ERCC8: variants seen among roughly 807,000 people sequenced by gnomAD.
ERCC8 encodes the protein ERCC excision repair 8, CSA ubiquitin ligase complex subunit.
In ERCC8, 52 loss-of-function variants were observed where a neutral mutation model predicts 54.9. That is an observed-to-expected ratio of 0.95 (90% CI 0.76 to 1.19). The LOEUF (loss-of-function observed/expected upper bound fraction) is 1.19, where lower values mean the gene tolerates loss of function less well. ERCC8 is among the 50% of genes most tolerant of loss of function. ERCC8 has a pLI of 0.00. For synonymous variants in ERCC8, 146 were observed against 157.2 expected, an observed-to-expected ratio of 0.93 and a Z score of 0.53; for missense variants, 514 against 466.1, an observed-to-expected ratio of 1.10 and a Z score of -0.95.
chr5:60,939,361 C>A (rs1043076439), intron 1 of ERCC8, among the ~76,000 whole-genome samples: 3 of 152,094 alleles, frequency 2.0e-5, no homozygotes, highest in Non-Finnish European at 4.4e-5. Context: ...TTTTGATTAA[C>A]GTTCTTTCCT....
chr5:60,921,043 T>C (rs1170093646), intron 3 of ERCC8, among the ~76,000 whole-genome samples: 1 of 151,884 alleles, frequency 6.6e-6, no homozygotes, highest in African/African-American at 2.4e-5. Flanking sequence ...AGTACATTGC[T>C]TTTCACTTAT....
intron 1 of ERCC8, among the ~76,000 whole-genome samples, chr5:60,931,360 G>A (rs1448388678): frequency 6.6e-6 from 1 of 152,122 alleles, no homozygotes; most frequent in Non-Finnish European, 1.5e-5. Flanking sequence ...AGGCTGGAGT[G>A]CAATGGCAAA....
In ERCC8 at chr5:60,874,598, G is replaced by C. The variant is rs1561491418; in HGVS notation, c.*17C>G. The C allele has an allele frequency of 6.2e-7, 1 of 1,609,696 alleles. No individual in the cohort carries two copies. Among genetic ancestry groups the C allele is most frequent in the African/African-American group, 1.3e-5 (1 of 74,688 alleles). ...TAAAAAGTTTCAGCAGAGACAAAAA[G>C]GTACTAAAGATGATATTCATCCTTC... On this transcript the variant is annotated 3_prime_UTR_variant, in exon 12 of 12. Coordinates refer to ENST00000676185, the MANE Select transcript of ERCC8 (RefSeq NM_000082.4).
At position 60,944,902 on chromosome 5, in the gene ERCC8, C is replaced by G. The variant is rs753090742; in HGVS notation, c.77+30G>C. On this transcript the variant is annotated intron_variant, in intron 1 of 11. Coordinates refer to ENST00000676185, the MANE Select transcript of ERCC8 (RefSeq NM_000082.4). ...GTCATTGGTCCAGATTCTAACTGGC[C>G]TGTTAGCCAAAAAGTAAGGTTTTCT... 3.2e-6 allele frequency: 5 copies of G among 1,543,858 alleles called. No individual in the cohort carries two copies. The South Asian group carries it at 5.6e-5, about 17-fold the overall frequency.
intron 6 of ERCC8, among the ~76,000 whole-genome samples, chr5:60,903,071 T>C (rs957642700): frequency 6.6e-6 from 1 of 150,688 alleles, no homozygotes; most frequent in African/African-American, 2.5e-5. Context: ...CATAATAATG[T>C]CAAAAAATGC....
intron 4 of ERCC8, among the ~76,000 whole-genome samples, chr5:60,906,998 C>T (rs1749095139): frequency 6.6e-6 from 1 of 152,198 alleles, no homozygotes; most frequent in Non-Finnish European, 1.5e-5. Flanking sequence ...ATGAGCCAGA[C>T]TTGCCCATGA....
chr5:60,877,665 G>C (rs1236458329), intron 11 of ERCC8, among the ~76,000 whole-genome samples: 1 of 150,936 alleles, frequency 6.6e-6, no homozygotes, highest in Non-Finnish European at 1.5e-5. Flanking sequence ...CTCGTGATTT[G>C]GCTGTTTGTC....
chr5:60,936,915 G>A (rs1355046416), intron 1 of ERCC8, among the ~76,000 whole-genome samples: 1 of 152,138 alleles, frequency 6.6e-6, no homozygotes, highest in Non-Finnish European at 1.5e-5. Flanking sequence ...TATGTCAGAG[G>A]GAAGATCTGG....
intron 11 of ERCC8, 23 bp from the exon 12 acceptor site, chr5:60,874,706 A>C (rs1479195547): frequency 6.3e-7 from 1 of 1,581,976 alleles, no homozygotes; most frequent in South Asian, 1.2e-5. Context: ...AAGATAAAGA[A>C]AAAGGAAGAT....
chr5:60,884,475 C>CAAA (rs71606647), intron 11 of ERCC8, among the ~76,000 whole-genome samples: 1 of 70,836 alleles, frequency 1.4e-5, no homozygotes, highest in Non-Finnish European at 2.6e-5. Flanking sequence ...GACTCCTTCT[C>CAAA]AAAAAAAAAA....
chr5:60,926,700 G>A (rs1253275270), intron 2 of ERCC8, among the ~76,000 whole-genome samples: 2 of 152,108 alleles, frequency 1.3e-5, no homozygotes, highest in African/African-American at 4.8e-5. Context: ...TAAAATGTTT[G>A]GACACAGTTG....
At chr5:60,899,783 CT>C in intron 7 of ERCC8, 56 bp from the exon 8 acceptor site, 1 of 1,244,650 alleles carries the variant, frequency 8.0e-7, no homozygotes, top group Non-Finnish European at 1.2e-6. Context: ...GACTGTACCC[CT>C]CACCCACCTT....
intron 9 of ERCC8, 68 bp from the exon 10 acceptor site, chr5:60,891,154 A>G: frequency 9.9e-7 from 1 of 1,010,236 alleles, no homozygotes; most frequent in Admixed American, 1.9e-5. Flanking sequence ...AAAGCCTAGG[A>G]GAAATACTTA....
At position 60,945,031 on chromosome 5, in the gene ERCC8, A is replaced by C. The variant is rs4647038; in HGVS notation, c.-23T>G. ...CATATCGTGTCCTCACACCGGCTGG[A>C]GCACTGGACGTCGCCATGACAGAGC... is the stretch of plus-strand genomic sequence containing the variant. On this transcript the variant is annotated 5_prime_UTR_variant, in exon 1 of 12. Coordinates refer to ENST00000676185, the MANE Select transcript of ERCC8 (RefSeq NM_000082.4). 0.031 allele frequency: 50,423 copies of C among 1,604,784 alleles called. 936 individuals are homozygous for C. The highest frequency in any genetic ancestry group is 0.06 in the Middle Eastern group (360 of 6,040).
Position 60,908,803 on chromosome 5 carries a change from C to T in ERCC8, c.400-3930G>A, listed in dbSNP as rs545327000. On this transcript the variant is annotated intron_variant, in intron 4 of 11. Transcript: ENST00000676185. ...AAGATAAATGAGTCCAGCATAAGAA[C>T]CATTATGAAAAAAGAAAATTTGTGA... Among the ~76,000 whole-genome samples the T allele has an allele frequency of 2.4e-4, 37 of 151,958 alleles. 1 individual carries two copies. In the South Asian group the frequency reaches 6.2e-3, roughly 26 times the overall value.
At chr5:60,921,733 A>T (rs186761116) in intron 3 of ERCC8, among the ~76,000 whole-genome samples, 2 of 152,114 alleles carry the variant, frequency 1.3e-5, no homozygotes, top group Admixed American at 1.3e-4. Context: ...TCTTACACTA[A>T]GTGGTACTAA....
At position 60,938,071 on chromosome 5, in the gene ERCC8, ATATATATATATATATTTTATT is replaced by A. The variant is rs1440596297; in HGVS notation, c.77+6840_77+6860del. Among the ~76,000 whole-genome samples, 262 of 70,182 alleles carry A rather than the reference ATATATATATATATATTTTATT, an allele frequency of 3.7e-3. 6 individuals are homozygous for A. The highest frequency in any genetic ancestry group is 0.02 in the African/African-American group (233 of 11,886). The allele number at this position is 70,182 out of a possible 152,430, so 46.0% of individuals were successfully genotyped here. ...TACATATATATATATATATATATAT[ATATATATATATATATTTTATT>A]TTTTTTTTTTTTAGGTTACGAAGTT... is the stretch of plus-strand genomic sequence containing the variant. On this transcript the variant is annotated intron_variant, in intron 1 of 11. Coordinates refer to ENST00000676185, the MANE Select transcript of ERCC8 (RefSeq NM_000082.4).
intron 11 of ERCC8, among the ~76,000 whole-genome samples, chr5:60,877,145 T>C (rs537440790): frequency 1.3e-5 from 2 of 152,294 alleles, no homozygotes; most frequent in South Asian, 2.1e-4. Context: ...GAATCCTTTC[T>C]CCATTTCTTG....
intron 11 of ERCC8, among the ~76,000 whole-genome samples, chr5:60,878,237 G>C (rs1264648389): frequency 6.6e-6 from 1 of 152,174 alleles, no homozygotes; most frequent in Non-Finnish European, 1.5e-5. Context: ...GTTCATGGTG[G>C]ATAAGCTTTT....
Sources: gnomAD v4.1 joint callset for allele counts (sites outside exome capture counted in the v4.1 genomes callset) on GRCh38, gnomAD v4.1.1 for gene constraint, MANE v1.5 for transcripts, NCBI Gene and HGNC (gene_info 2026-07-23, HGNC 2026-07-21) for gene names.